The following CTNNA2 variants were observed in gnomAD, a reference collection of about 807,000 sequenced individuals.
CTNNA2 encodes the protein catenin alpha-2.
CTNNA2 carries 42 observed loss-of-function variants against 101.0 expected under a neutral mutation model. The observed-to-expected ratio is 0.42, with a 90% CI of 0.32 to 0.54. The LOEUF (loss-of-function observed/expected upper bound fraction) is 0.54, where lower values mean the gene tolerates loss of function less well. Among genes scored for constraint, CTNNA2 ranks in the 20% least tolerant of loss-of-function variants. The pLI, the probability that CTNNA2 is intolerant of heterozygous loss-of-function variation, is 0.14. For missense variants in CTNNA2, 871 were observed against 1,223.1 expected, an observed-to-expected ratio of 0.71 and a Z score of 4.29; for synonymous variants, 450 against 456.4, an observed-to-expected ratio of 0.99 and a Z score of 0.18.
chr2:79,286,184 C>A (rs1229242726), intron 2 of CTNNA2, among the ~76,000 whole-genome samples: 2 of 152,146 alleles, frequency 1.3e-5, no homozygotes, highest in East Asian at 3.9e-4. Flanking sequence ...ATACAGCACA[C>A]TGATGGGTCT....
chr2:79,800,232 A>T (rs950163864), intron 3 of CTNNA2, among the ~76,000 whole-genome samples: 3 of 151,640 alleles, frequency 2.0e-5, no homozygotes, highest in African/African-American at 7.3e-5. Flanking sequence ...GGAAAGTTAG[A>T]AAACTAAGAA....
At chr2:80,416,515 G>A (rs1043718837) in intron 8 of CTNNA2, among the ~76,000 whole-genome samples, 1 of 152,024 alleles carries the variant, frequency 6.6e-6, no homozygotes, top group Non-Finnish European at 1.5e-5. Flanking sequence ...AAATTTCATA[G>A]TTAATCATTT....
chr2:80,556,178 C>A (rs1020702898), intron 12 of CTNNA2, among the ~76,000 whole-genome samples: 5 of 152,140 alleles, frequency 3.3e-5, no homozygotes, highest in South Asian at 2.1e-4. Flanking sequence ...ACTTAATTAT[C>A]TCCAATTATG....
chr2:80,641,089 A>C (rs185825435), intron 18 of CTNNA2, among the ~76,000 whole-genome samples: 1 of 152,204 alleles, frequency 6.6e-6, no homozygotes, highest in Admixed American at 6.5e-5. Context: ...CATTAGTGTT[A>C]TTGGCTCTGA....
At chr2:79,478,762 A>C (rs1671078886) in intron 4 of CTNNA2, among the ~76,000 whole-genome samples, 1 of 152,054 alleles carries the variant, frequency 6.6e-6, no homozygotes, top group South Asian at 2.1e-4. Flanking sequence ...CCCTTTTTGG[A>C]ATCTGCAGTT....
At chr2:80,435,473 A>T (rs568348144) in intron 9 of CTNNA2, among the ~76,000 whole-genome samples, 3 of 152,134 alleles carry the variant, frequency 2.0e-5, no homozygotes, top group African/African-American at 7.2e-5. Context: ...ATGCCCTAGT[A>T]TTCTGAAACT....
At chr2:79,297,475 C>A (rs1164037221) in intron 2 of CTNNA2, among the ~76,000 whole-genome samples, 5 of 152,124 alleles carry the variant, frequency 3.3e-5, no homozygotes, top group African/African-American at 1.2e-4. Context: ...GATCTACAGA[C>A]CCAGATTACC....
intron 7 of CTNNA2, among the ~76,000 whole-genome samples, chr2:79,995,351 T>A (rs188806767): frequency 5.3e-5 from 8 of 152,324 alleles, no homozygotes; most frequent in Admixed American, 1.3e-4. Context: ...GGCTTTTTTC[T>A]TTATTCATTC....
intron 2 of CTNNA2, among the ~76,000 whole-genome samples, chr2:79,312,508 C>T (rs1323303061): frequency 1.3e-5 from 2 of 152,236 alleles, no homozygotes; most frequent in African/African-American, 2.4e-5. Flanking sequence ...TGACAGGCAC[C>T]TGTTAGGTAT....
chr2:80,116,987 A>G (rs1416626136), intron 7 of CTNNA2, among the ~76,000 whole-genome samples: 1 of 151,684 alleles, frequency 6.6e-6, no homozygotes, highest in Non-Finnish European at 1.5e-5. Flanking sequence ...ATAAGGCTAG[A>G]CATACATGGA....
intron 1 of CTNNA2, among the ~76,000 whole-genome samples, chr2:79,617,291 A>G (rs185822684): frequency 6.6e-6 from 1 of 152,134 alleles, no homozygotes; most frequent in Non-Finnish European, 1.5e-5. Flanking sequence ...TTTTCTGTTA[A>G]TTCAGTAAAT....
At chr2:80,077,619 A>G (rs1698848612) in intron 7 of CTNNA2, among the ~76,000 whole-genome samples, 1 of 151,854 alleles carries the variant, frequency 6.6e-6, no homozygotes, top group South Asian at 2.1e-4. Flanking sequence ...AAAACAAAGC[A>G]AAACAAAACC....
At chr2:80,630,816 T>C (rs1194595250) in intron 18 of CTNNA2, among the ~76,000 whole-genome samples, 1 of 152,188 alleles carries the variant, frequency 6.6e-6, no homozygotes, top group Non-Finnish European at 1.5e-5. Context: ...TGTTTGTTAA[T>C]ATATATTATG....
chr2:80,130,806 A>C (rs948950982), intron 7 of CTNNA2, among the ~76,000 whole-genome samples: 1 of 151,534 alleles, frequency 6.6e-6, no homozygotes, highest in Admixed American at 6.6e-5. Context: ...TAATGGAAAA[A>C]GAAAAAAAAG....
At chr2:79,394,996 G>A (rs1417374157) in intron 4 of CTNNA2, among the ~76,000 whole-genome samples, 6 of 152,052 alleles carry the variant, frequency 3.9e-5, no homozygotes, top group Non-Finnish European at 8.8e-5. Context: ...TGGGACAATG[G>A]CAACAATGAT....
intron 1 of CTNNA2, chr2:79,634,725 T>C (rs1679906024): frequency 6.6e-6 from 1 of 152,304 alleles, no homozygotes; most frequent in Admixed American, 6.5e-5. Context: ...AAAACAGGGA[T>C]GAAGCTGGCC....
chr2:80,136,884 G>A (rs1702725616), intron 7 of CTNNA2, among the ~76,000 whole-genome samples: 1 of 152,168 alleles, frequency 6.6e-6, no homozygotes, highest in Non-Finnish European at 1.5e-5. Context: ...CAAATGGATA[G>A]ACACATGTTT....
chr2:80,179,698 A>T (rs1705643469), intron 7 of CTNNA2, among the ~76,000 whole-genome samples: 3 of 152,124 alleles, frequency 2.0e-5, no homozygotes. Flanking sequence ...TGCATATTTC[A>T]AGTCCTTGAT....
intron 4 of CTNNA2, chr2:79,498,803 C>CA (rs1206943780): frequency 6.6e-6 from 1 of 152,186 alleles, no homozygotes; most frequent in Non-Finnish European, 1.5e-5. Context: ...GAATTGTTAA[C>CA]AAAAACTTCA....
Sources: gnomAD v4.1 joint callset for allele counts (sites outside exome capture counted in the v4.1 genomes callset) on GRCh38, gnomAD v4.1.1 for gene constraint, MANE v1.5 for transcripts, NCBI Gene and HGNC (gene_info 2026-07-23, HGNC 2026-07-21) for gene names.